Variants in CNTN5 observed in about 807,000 individuals in gnomAD.
CNTN5 encodes contactin-5.
CNTN5 carries 77 observed loss-of-function variants against 129.1 expected under a neutral mutation model. The observed-to-expected ratio is 0.60, with a 90% CI of 0.50 to 0.72. The LOEUF (loss-of-function observed/expected upper bound fraction) is 0.72, where lower values mean the gene tolerates loss of function less well. CNTN5 is among the 30% of genes least tolerant of loss of function. The probability of loss-of-function intolerance (pLI) is 0.00; values close to 1 mark genes in which losing one functional copy is unlikely to be tolerated. For synonymous variants in CNTN5, 509 were observed against 465.6 expected (o/e 1.09, Z -1.20); for missense variants, 1,478 against 1,328.8 (o/e 1.11, Z -1.75).
At chr11:100,299,494 C>G in intron 20 of CNTN5, 98 bp downstream of exon 20, 1 of 670,502 alleles carries the variant, frequency 1.5e-6, no homozygotes, top group Admixed American at 3.8e-5. Context: ...ACAAATAAGG[C>G]AAAATAAACT....
intron 13 of CNTN5, among the ~76,000 whole-genome samples, chr11:100,171,147 T>C (rs546117071): frequency 7.2e-5 from 11 of 152,094 alleles, no homozygotes; most frequent in East Asian, 3.9e-4. Flanking sequence ...TGTGAATGAA[T>C]TGAAACAATA....
At chr11:99,943,379 G>T (rs1239296862) in intron 7 of CNTN5, among the ~76,000 whole-genome samples, 3 of 151,852 alleles carry the variant, frequency 2.0e-5, no homozygotes, top group African/African-American at 7.3e-5. Flanking sequence ...TTTTTGATGG[G>T]GTTGTGTTTT....
At chr11:100,125,836 T>A (rs1946165454) in intron 13 of CNTN5, among the ~76,000 whole-genome samples, 1 of 152,074 alleles carries the variant, frequency 6.6e-6, no homozygotes, top group African/African-American at 2.4e-5. Flanking sequence ...AGTTATTTCT[T>A]TTCTTCTCCT....
At chr11:99,565,002 T>A (rs778037130) in intron 3 of CNTN5, among the ~76,000 whole-genome samples, 4 of 152,222 alleles carry the variant, frequency 2.6e-5, no homozygotes, top group Non-Finnish European at 4.4e-5. Flanking sequence ...TTCTAATTTC[T>A]TTATAAGTAT....
chr11:100,223,173 C>G (rs1949301040), intron 15 of CNTN5, among the ~76,000 whole-genome samples: 2 of 152,218 alleles, frequency 1.3e-5, no homozygotes, highest in Middle Eastern at 3.4e-3. Flanking sequence ...TGAAAGAATT[C>G]TTATGACATT....
In CNTN5 at chr11:99,558,948, G is replaced by T. The variant is rs185628037; in HGVS notation, c.55+2679G>T. 1.9e-4 allele frequency among the ~76,000 whole-genome samples: 29 copies of T among 152,052 alleles called. 1 individual carries two copies. The highest frequency in any genetic ancestry group is 1.4e-3 in the Admixed American group (22 of 15,264). ...ATCTGTTTAAAATAAAATTGATTAG[G>T]ATACTTGAAAGGATCATTTATCAAG... On this transcript the variant is annotated intron_variant, in intron 3 of 24. Coordinates refer to ENST00000524871, the MANE Select transcript of CNTN5 (RefSeq NM_014361.4).
At chr11:100,211,116 T>G (rs1297405670) in intron 15 of CNTN5, among the ~76,000 whole-genome samples, 1 of 152,170 alleles carries the variant, frequency 6.6e-6, no homozygotes, top group East Asian at 1.9e-4. Flanking sequence ...AAGTCCTTGA[T>G]CAGCCACTGA....
chr11:100,168,601 A>G (rs1947723792), intron 13 of CNTN5, among the ~76,000 whole-genome samples: 1 of 151,918 alleles, frequency 6.6e-6, no homozygotes, highest in South Asian at 2.1e-4. Context: ...AAATGTTACC[A>G]CTCATTGACA....
At chr11:99,239,131 G>T (rs1861419402) in intron 1 of CNTN5, among the ~76,000 whole-genome samples, 2 of 151,734 alleles carry the variant, frequency 1.3e-5, no homozygotes, top group South Asian at 4.1e-4. Context: ...CATAACTGAT[G>T]AATAAGAATA....
At chr11:100,354,444 C>T (rs998646200) in intron 24 of CNTN5, among the ~76,000 whole-genome samples, 1 of 151,608 alleles carries the variant, frequency 6.6e-6, no homozygotes, top group Non-Finnish European at 1.5e-5. Context: ...AGATCCTCTC[C>T]TGGGTATAAG....
At position 100,099,624 on chromosome 11, in the gene CNTN5, T is replaced by C. The variant is rs554590986; in HGVS notation, c.1580+25330T>C. On this transcript the variant is annotated intron_variant, in intron 13 of 24. Transcript: ENST00000524871. Reference sequence around the variant, plus strand: ...TTAATGTTTATGAATGCTAATTCTTTCTGCTTTGTGATTAGTCTTTCTCTT... The same window carrying C: ...TTAATGTTTATGAATGCTAATTCTTCCTGCTTTGTGATTAGTCTTTCTCTT... 7.2e-5 allele frequency among the ~76,000 whole-genome samples: 11 copies of C among 152,246 alleles called. No homozygotes were observed. In the South Asian group the frequency reaches 2.1e-3, roughly 29 times the overall value.
At chr11:99,508,924 G>A (rs1156266756) in intron 2 of CNTN5, among the ~76,000 whole-genome samples, 1 of 151,886 alleles carries the variant, frequency 6.6e-6, no homozygotes. Flanking sequence ...CAAGTGATCA[G>A]CCCGCCGCAG....
At chr11:99,670,035 G>T (rs985185748) in intron 3 of CNTN5, among the ~76,000 whole-genome samples, 4 of 152,088 alleles carry the variant, frequency 2.6e-5, no homozygotes, top group Non-Finnish European at 4.4e-5. Context: ...CCATGTTGGT[G>T]AAAATTAGAC....
intron 1 of CNTN5, among the ~76,000 whole-genome samples, chr11:99,093,515 CTGT>C (rs1340433394): frequency 1.3e-5 from 2 of 150,994 alleles, no homozygotes; most frequent in Non-Finnish European, 3.0e-5. Context: ...ATATGACTAA[CTGT>C]TGTTTTCTTT....
At chr11:100,218,643 C>T (rs970402734) in intron 15 of CNTN5, among the ~76,000 whole-genome samples, 17 of 152,310 alleles carry the variant, frequency 1.1e-4, no homozygotes, top group Middle Eastern at 3.4e-3. Context: ...CCACAAATTA[C>T]GTAGCCAGTC....
At chr11:99,311,701 T>C (rs1314588053) in intron 1 of CNTN5, among the ~76,000 whole-genome samples, 3 of 152,196 alleles carry the variant, frequency 2.0e-5, no homozygotes, top group Non-Finnish European at 4.4e-5. Flanking sequence ...AGTCGAACTC[T>C]TTAAATCAAT....
chr11:100,357,916 A>G lies in CNTN5; in HGVS notation c.*1696A>G, dbSNP rs1274826217. 3 of 151,834 alleles carry G rather than the reference A, an allele frequency of 2.0e-5. No individual in the cohort carries two copies. Among genetic ancestry groups the G allele is most frequent in the African/African-American group, 7.2e-5 (3 of 41,412 alleles). 9.4% of individuals were successfully genotyped at this position (151,834 alleles called of 1,614,324 possible). ...CTAAACAAACAAGAAATTAGTTAAA[A>G]GACTCACTCAATGATATTATAGTAA... On this transcript the variant is annotated 3_prime_UTR_variant, in exon 25 of 25. Transcript: ENST00000524871.
At chr11:99,283,827 A>T (rs1863807614) in intron 1 of CNTN5, among the ~76,000 whole-genome samples, 1 of 152,158 alleles carries the variant, frequency 6.6e-6, no homozygotes, top group Non-Finnish European at 1.5e-5. Flanking sequence ...ATAGGAAAGG[A>T]TATTAAACTT....
At chr11:99,964,143 A>G (rs1280090144) in intron 8 of CNTN5, among the ~76,000 whole-genome samples, 1 of 152,044 alleles carries the variant, frequency 6.6e-6, no homozygotes. Flanking sequence ...CTAATTGAAT[A>G]CCCTTTATTT....
Sources: allele counts gnomAD v4.1 joint callset (sites outside exome capture counted in the v4.1 genomes callset), GRCh38; gene constraint gnomAD v4.1.1; transcripts MANE v1.5; gene names NCBI Gene and HGNC (gene_info 2026-07-23, HGNC 2026-07-21).